Variants in CDH8 observed in about 807,000 individuals in gnomAD.
CDH8 encodes cadherin-8.
In CDH8, 17 loss-of-function variants were observed where a neutral mutation model predicts 68.1. The observed-to-expected ratio is 0.25, with a 90% CI of 0.17 to 0.37. The LOEUF is 0.37. CDH8 is among the 10% of genes least tolerant of loss of function. The probability of loss-of-function intolerance (pLI) is 1.00; values close to 1 mark genes in which losing one functional copy is unlikely to be tolerated. For missense variants in CDH8, 763 were observed against 999.3 expected (o/e 0.76, Z 3.19); for synonymous variants, 372 against 365.1 (o/e 1.02, Z -0.21).
At chr16:62,002,197 AAAAG>A (rs1965904378) in intron 2 of CDH8, among the ~76,000 whole-genome samples, 1 of 152,230 alleles carries the variant, frequency 6.6e-6, no homozygotes, top group African/African-American at 2.4e-5. Context: ...GATTTTGAAA[AAAAG>A]AAAGTAAATT....
At chr16:61,759,233 T>C (rs576382430) in intron 8 of CDH8, among the ~76,000 whole-genome samples, 125 of 152,188 alleles carry the variant, frequency 8.2e-4, no homozygotes, top group African/African-American at 2.9e-3. Flanking sequence ...AAAAAGACAG[T>C]AAACAATGAA....
chr16:61,901,575 T>A (rs992104787), intron 2 of CDH8, 102 bp from the exon 3 acceptor site: 1 of 744,740 alleles, frequency 1.3e-6, no homozygotes, highest in Admixed American at 2.7e-5. Flanking sequence ...TTACATAACA[T>A]CATCAATTTC....
intron 8 of CDH8, among the ~76,000 whole-genome samples, chr16:61,774,078 T>C (rs1365274649): frequency 1.3e-5 from 2 of 152,074 alleles, no homozygotes; most frequent in African/African-American, 2.4e-5. Context: ...AGTCCTGGAA[T>C]CAGAAAACAT....
intron 3 of CDH8, among the ~76,000 whole-genome samples, chr16:61,874,631 A>C (rs114438804): frequency 9.1e-4 from 138 of 152,294 alleles, no homozygotes; most frequent in African/African-American, 3.2e-3. Context: ...ATTGAGATGT[A>C]ATCCTAAGGT....
chr16:61,760,886 T>C (rs1960448685), intron 8 of CDH8, among the ~76,000 whole-genome samples: 1 of 152,106 alleles, frequency 6.6e-6, no homozygotes, highest in South Asian at 2.1e-4. Context: ...GTCATCATTG[T>C]ATTTGTAAGG....
intron 7 of CDH8, among the ~76,000 whole-genome samples, chr16:61,811,916 A>G (rs971357046): frequency 1.3e-5 from 2 of 152,200 alleles, no homozygotes; most frequent in African/African-American, 2.4e-5. Flanking sequence ...GGGCATTGCT[A>G]ATCAACAGGC....
chr16:61,784,224 A>C (rs1413657223), intron 8 of CDH8, among the ~76,000 whole-genome samples: 1 of 152,136 alleles, frequency 6.6e-6, no homozygotes, highest in African/African-American at 2.4e-5. Context: ...TAGGTTCAAA[A>C]TAAAAGGATG....
intron 2 of CDH8, among the ~76,000 whole-genome samples, chr16:62,002,916 G>A (rs1965915724): frequency 6.6e-6 from 1 of 152,142 alleles, no homozygotes; most frequent in Non-Finnish European, 1.5e-5. Flanking sequence ...AGCTGGGCGT[G>A]GCGGCAGGCA....
At chr16:62,023,498 T>G (rs1205939240) in intron 1 of CDH8, among the ~76,000 whole-genome samples, 1 of 152,166 alleles carries the variant, frequency 6.6e-6, no homozygotes, top group Non-Finnish European at 1.5e-5. Context: ...AAGACACATG[T>G]AAACCAGCCA....
rs567857348 is a variant in CDH8, at chr16:61,873,965, A to C, written c.548-16727T>G. The stretch of plus-strand genomic sequence containing the variant: ...CAGCTACTCAGGAGGCTGAGGCAGA[A>C]GTATTGCTTGAACCTGGGAGGCGGA... On this transcript the variant is annotated intron_variant, in intron 3 of 11. Transcript: ENST00000577390. Among the ~76,000 whole-genome samples, 11 of 152,230 alleles carry C rather than the reference A, an allele frequency of 7.2e-5. 1 individual carries two copies. Among genetic ancestry groups the C allele is most frequent in the African/African-American group, 2.6e-4 (11 of 41,564 alleles).
At chr16:62,003,377 G>T (rs1411958291) in intron 2 of CDH8, among the ~76,000 whole-genome samples, 2 of 152,112 alleles carry the variant, frequency 1.3e-5, no homozygotes, top group African/African-American at 4.8e-5. Context: ...CTCAGTTATT[G>T]CAACATAGTA....
chr16:62,028,690 A>AT (rs2150620122), intron 1 of CDH8, among the ~76,000 whole-genome samples: 1 of 151,732 alleles, frequency 6.6e-6, no homozygotes, highest in South Asian at 2.1e-4. Context: ...ATTGAGAGTA[A>AT]TTTTCTTCTG....
intron 7 of CDH8, among the ~76,000 whole-genome samples, chr16:61,798,342 G>C (rs2142996268): frequency 6.6e-6 from 1 of 152,214 alleles, no homozygotes; most frequent in Non-Finnish European, 1.5e-5. Context: ...TAAGAGGAGT[G>C]ACATGATATA....
chr16:61,972,783 G>T (rs1436039610), intron 2 of CDH8, among the ~76,000 whole-genome samples: 2 of 152,112 alleles, frequency 1.3e-5, no homozygotes, highest in South Asian at 2.1e-4. Flanking sequence ...TTTTGAGTTT[G>T]AAAGAGCAGT....
At chr16:61,695,837 A>G (rs1241732165) in intron 10 of CDH8, among the ~76,000 whole-genome samples, 1 of 152,204 alleles carries the variant, frequency 6.6e-6, no homozygotes, top group Non-Finnish European at 1.5e-5. Flanking sequence ...TAACTGATTT[A>G]TGATAACCGA....
At chr16:61,783,445 C>A (rs910252349) in intron 8 of CDH8, among the ~76,000 whole-genome samples, 3 of 151,222 alleles carry the variant, frequency 2.0e-5, no homozygotes, top group African/African-American at 7.3e-5. Flanking sequence ...TGTGAAAAGA[C>A]CAAATCTACA....
At chr16:61,922,388 AT>A (rs780003532) in intron 2 of CDH8, among the ~76,000 whole-genome samples, 3 of 152,200 alleles carry the variant, frequency 2.0e-5, no homozygotes, top group Non-Finnish European at 4.4e-5. Flanking sequence ...TTAAATAAGC[AT>A]ACAGAGCAAA....
chr16:61,875,145 T>C (rs1963437515), intron 3 of CDH8, among the ~76,000 whole-genome samples: 1 of 152,204 alleles, frequency 6.6e-6, no homozygotes, highest in Non-Finnish European at 1.5e-5. Flanking sequence ...GAATATATCA[T>C]GCAGCTTCTG....
chr16:61,839,629 C>T (rs1369982132), intron 4 of CDH8, among the ~76,000 whole-genome samples: 1 of 152,122 alleles, frequency 6.6e-6, no homozygotes, highest in Non-Finnish European at 1.5e-5. Flanking sequence ...TAGCACCCCA[C>T]AGCAGGGAAA....
Sources: gnomAD v4.1 joint callset for allele counts (sites outside exome capture counted in the v4.1 genomes callset) on GRCh38, gnomAD v4.1.1 for gene constraint, MANE v1.5 for transcripts, NCBI Gene and HGNC (gene_info 2026-07-23, HGNC 2026-07-21) for gene names.